The following MARK2 variants were observed in gnomAD, a reference collection of about 807,000 sequenced individuals.
The protein encoded by MARK2 is serine/threonine-protein kinase MARK2.
Under a neutral mutation model 89.8 loss-of-function variants are expected in MARK2, and 16 were observed. The ratio of observed to expected loss-of-function variants is 0.18; its 90% confidence interval spans 0.12 to 0.27. The LOEUF is 0.27. Among genes scored for constraint, MARK2 ranks in the 10% least tolerant of loss-of-function variants. MARK2 has a pLI of 1.00. For synonymous variants in MARK2, 382 were observed against 399.5 expected (o/e 0.96, Z 0.52); for missense variants, 621 against 1,049.9 (o/e 0.59, Z 5.65).
In MARK2 at chr11:63,900,983, C is replaced by T. The variant is rs1442512176; in HGVS notation, c.1015C>T (p.Arg339Trp). Reference protein sequence around the residue: ...TELMVSMGYTREEIQDSLVGQ... With the variant: ...TELMVSMGYTWEEIQDSLVGQ... ...GCTGATGGTGTCCATGGGTTATACACGGGAAGAGATCCAGGACTCGCTGGT... is the reference window on the plus strand; with the variant it reads ...GCTGATGGTGTCCATGGGTTATACATGGGAAGAGATCCAGGACTCGCTGGT... The change falls in exon 11 of 19, where the codon CGG (arginine) becomes TGG (tryptophan). Residue 339 changes from arginine to tryptophan, a missense_variant. This residue lies in a region of MARK2 where 397 missense variants were observed against 567.8 expected (regional missense o/e 0.70). Coordinates refer to ENST00000402010, the MANE Select transcript of MARK2 (RefSeq NM_001039469.3). This position sits in a 1 kb window ranked among gnomAD's most constrained non-coding sequence, Gnocchi z 4.7. The T allele has an allele frequency of 1.3e-5, 21 of 1,613,852 alleles. No individual in the cohort carries two copies. Among genetic ancestry groups the T allele is most frequent in the East Asian group, 4.5e-5 (2 of 44,898 alleles).
intron 3 of MARK2, 41 bp downstream of exon 3, chr11:63,895,674 T>C: frequency 3.0e-6 from 3 of 1,013,008 alleles, no homozygotes; most frequent in Non-Finnish European, 4.3e-6. Context: ...TTTTTTTTTT[T>C]TTTTTTTTTT....
rs923024782 is a variant in MARK2, at chr11:63,900,884, G to A, written c.988+5G>A. 3 of 1,613,776 alleles carry A rather than the reference G, an allele frequency of 1.9e-6. No homozygotes were observed. In the African/African-American group the frequency reaches 4.0e-5, roughly 22 times the overall value. ...ACAAGGACCCCCGGCGGACAGGTGAGGCTGTGCCGGGCTGTGAGGTTAAGC... is the reference window on the plus strand; with the variant it reads ...ACAAGGACCCCCGGCGGACAGGTGAAGCTGTGCCGGGCTGTGAGGTTAAGC... On this transcript the variant is annotated splice_donor_5th_base_variant and intron_variant, in intron 10 of 18. Coordinates refer to ENST00000402010, the MANE Select transcript of MARK2 (RefSeq NM_001039469.3). The surrounding 1 kb of genome is among the most constrained non-coding windows in gnomAD (Gnocchi z 4.7).
intron 1 of MARK2, among the ~76,000 whole-genome samples, chr11:63,843,879 A>T (rs1483816024): frequency 3.4e-5 from 5 of 148,996 alleles, no homozygotes; most frequent in African/African-American, 9.9e-5. Flanking sequence ...CTGGATAAAT[A>T]TTTTTTTTTT....
intron 1 of MARK2, chr11:63,868,635 CAG>C (rs1365702424): frequency 2.7e-6 from 1 of 369,612 alleles, no homozygotes; most frequent in African/African-American, 2.1e-5. Context: ...GAGTGGGGAC[CAG>C]AGCCAGAGAG....
intron 1 of MARK2, chr11:63,868,501 G>T (rs997798965): frequency 2.6e-5 from 8 of 310,364 alleles, no homozygotes; most frequent in African/African-American, 4.3e-5. Context: ...AATGACTACA[G>T]AGAAGTGCTT....
Position 63,839,574 on chromosome 11 carries a change from A to G in MARK2, c.54+14A>G. 6.6e-7 allele frequency: 1 copy of G among 1,511,400 alleles called. No homozygotes were observed. The highest frequency in any genetic ancestry group is 8.9e-7 in the Non-Finnish European group (1 of 1,120,572). The allele number at this position is 1,511,400 out of a possible 1,614,324, so 93.6% of individuals were successfully genotyped here. A position where few individuals can be genotyped will look rare whatever the true frequency, so the allele number is the denominator to read the frequency against. On this transcript the variant is annotated intron_variant, in intron 1 of 18. Coordinates refer to ENST00000402010, the MANE Select transcript of MARK2 (RefSeq NM_001039469.3). ...GACACGGAGCAGGTAAGGAGCCCCG[A>G]GGGCTCCCCGAATTCTCTGGCTGGG...
intron 1 of MARK2, among the ~76,000 whole-genome samples, chr11:63,875,494 C>T (rs1382312105): frequency 6.6e-6 from 1 of 152,146 alleles, no homozygotes; most frequent in Non-Finnish European, 1.5e-5. Flanking sequence ...TCAAATGATC[C>T]GCCTACCTCA....
At position 63,904,070 on chromosome 11, in the gene MARK2, C is replaced by T. The variant is rs1026415420; in HGVS notation, c.1599C>T (p.Ser533=). The T allele has an allele frequency of 1.9e-6, 3 of 1,607,624 alleles. No homozygotes were observed. Among genetic ancestry groups the T allele is most frequent in the Middle Eastern group, 1.7e-4 (1 of 6,022 alleles). Residue 533 remains serine (S), a synonymous_variant, in exon 15 of 19, where the codon TCC becomes TCT. Transcript: ENST00000402010. This position sits in a 1 kb window ranked among gnomAD's most constrained non-coding sequence, Gnocchi z 6.3. The part of the protein sequence containing the change: ...SAARPRQHQK[S]MSASVHPNKA... ...CCCGGCCCCGCCAGCACCAGAAATC[C>T]ATGTCGGCCTCCGTGCACCCCAACA...
intron 3 of MARK2, among the ~76,000 whole-genome samples, chr11:63,896,942 T>G (rs1043132284): frequency 2.6e-5 from 4 of 152,170 alleles, no homozygotes; most frequent in Non-Finnish European, 5.9e-5. Context: ...CTTGGTTTTC[T>G]CCCTAATTCT....
At position 63,910,652 on chromosome 11, in the gene MARK2, A is replaced by ATTTTTTTT. The variant is rs750155967; in HGVS notation, c.*1422_*1429dup. The ATTTTTTTT allele has an allele frequency of 5.2e-4, 71 of 137,274 alleles. No homozygotes were observed. Among genetic ancestry groups the ATTTTTTTT allele is most frequent in the East Asian group, 1.9e-3 (9 of 4,646 alleles). 8.5% of individuals were successfully genotyped at this position (137,274 alleles called of 1,614,324 possible). On this transcript the variant is annotated 3_prime_UTR_variant, in exon 19 of 19. Coordinates refer to ENST00000402010, the MANE Select transcript of MARK2 (RefSeq NM_001039469.3). ...GTTTTATTTTTTATTATTTTATTTTATTTTTTTTTTTTTTGATTTATGATG... is the reference window on the plus strand; with the variant it reads ...GTTTTATTTTTTATTATTTTATTTTATTTTTTTTTTTTTTTTTTTTTTGATTTATGATG...
At chr11:63,846,399 A>G (rs937444742) in intron 1 of MARK2, among the ~76,000 whole-genome samples, 1 of 151,932 alleles carries the variant, frequency 6.6e-6, no homozygotes, top group Middle Eastern at 3.2e-3. Context: ...TCTGTTGCCC[A>G]GGCTGGAGTG....
intron 1 of MARK2, among the ~76,000 whole-genome samples, chr11:63,857,121 A>C (rs550207652): frequency 6.7e-6 from 1 of 149,828 alleles, no homozygotes; most frequent in African/African-American, 2.5e-5. Context: ...TAAATTTTTC[A>C]GTTTTTATAC....
chr11:63,858,835 T>C (rs1405185228), intron 1 of MARK2, among the ~76,000 whole-genome samples: 1 of 152,316 alleles, frequency 6.6e-6, no homozygotes, highest in Non-Finnish European at 1.5e-5. Flanking sequence ...AATGAGCCTC[T>C]GTTTTGCAAT....
intron 1 of MARK2, among the ~76,000 whole-genome samples, chr11:63,875,795 G>A (rs1938716964): frequency 6.6e-6 from 1 of 152,214 alleles, no homozygotes; most frequent in African/African-American, 2.4e-5. Flanking sequence ...AGAGGCTGCT[G>A]GATTCTATGG....
intron 1 of MARK2, among the ~76,000 whole-genome samples, chr11:63,844,980 C>T (rs1181308622): frequency 6.6e-6 from 1 of 152,202 alleles, no homozygotes; most frequent in Admixed American, 6.5e-5. Context: ...CTTTGTGGCC[C>T]ATTATCGACA....
chr11:63,891,068 G>C (rs754651425), intron 1 of MARK2, among the ~76,000 whole-genome samples: 5 of 151,210 alleles, frequency 3.3e-5, no homozygotes, highest in Non-Finnish European at 7.4e-5. Context: ...TTTTGTGTTT[G>C]TTTGTGTGTG....
chr11:63,844,237 T>G (rs2016165476), intron 1 of MARK2, among the ~76,000 whole-genome samples: 1 of 152,218 alleles, frequency 6.6e-6, no homozygotes, highest in South Asian at 2.1e-4. Context: ...CCTAGCACTT[T>G]GGGAAGCCAA....
chr11:63,859,061 A>G (rs1028778339), intron 1 of MARK2, among the ~76,000 whole-genome samples: 3 of 150,826 alleles, frequency 2.0e-5, no homozygotes, highest in Admixed American at 6.6e-5. Context: ...TTTTATTATG[A>G]GGTAGGTTTG....
At chr11:63,857,550 T>C (rs955547572) in intron 1 of MARK2, among the ~76,000 whole-genome samples, 21 of 152,264 alleles carry the variant, frequency 1.4e-4, no homozygotes, top group Non-Finnish European at 2.6e-4. Context: ...TCCTTTGGTA[T>C]ATATTTAGTT....
Sources: allele counts gnomAD v4.1 joint callset (sites outside exome capture counted in the v4.1 genomes callset), GRCh38; gene constraint gnomAD v4.1.1; regional missense constraint gnomAD v4.1.1; non-coding constraint Gnocchi (gnomAD v3.1); transcripts MANE v1.5; gene names NCBI Gene and HGNC (gene_info 2026-07-23, HGNC 2026-07-21).